Variants in PBRM1 observed in about 807,000 individuals in gnomAD.
The protein encoded by PBRM1 is protein polybromo-1.
In PBRM1, 27 loss-of-function variants were observed where a neutral mutation model predicts 194.5. The ratio of observed to expected loss-of-function variants is 0.14; its 90% confidence interval spans 0.10 to 0.19. PBRM1 has a LOEUF of 0.19. PBRM1 is among the 10% of genes least tolerant of loss of function. The probability of loss-of-function intolerance (pLI) is 1.00; values close to 1 mark genes in which losing one functional copy is unlikely to be tolerated. For synonymous variants in PBRM1, 655 were observed against 693.2 expected, an observed-to-expected ratio of 0.94 and a Z score of 0.87; for missense variants, 1,466 against 2,077.2, an observed-to-expected ratio of 0.71 and a Z score of 5.72.
chr3:52,571,028 T>C lies in PBRM1; in HGVS notation c.3691+5513A>G, dbSNP rs561692723. On this transcript the variant is annotated intron_variant, in intron 22 of 29. Transcript: ENST00000296302. ...ATGAGCTACCACGTTGGCTATCTTT[T>C]AAAGATTTATTCCTGGCTGGGTGCC... Among the ~76,000 whole-genome samples, 11 of 152,102 alleles carry C rather than the reference T, an allele frequency of 7.2e-5. No individual in the cohort carries two copies. In the South Asian group the frequency reaches 2.1e-3, roughly 29 times the overall value.
chr3:52,606,328 T>C (rs1343095163), intron 16 of PBRM1, among the ~76,000 whole-genome samples: 2 of 152,172 alleles, frequency 1.3e-5, no homozygotes, highest in Non-Finnish European at 2.9e-5. Context: ...TAATTTTATG[T>C]TTGTTTTCTG....
At chr3:52,656,147 T>C (rs1320474878) in intron 5 of PBRM1, among the ~76,000 whole-genome samples, 8 of 152,212 alleles carry the variant, frequency 5.3e-5, no homozygotes, top group African/African-American at 1.7e-4. Flanking sequence ...GTCAAATCTA[T>C]ATGTTAATTA....
At chr3:52,596,780 C>T (rs1171637831) in intron 17 of PBRM1, among the ~76,000 whole-genome samples, 2 of 151,616 alleles carry the variant, frequency 1.3e-5, no homozygotes, top group East Asian at 1.9e-4. Flanking sequence ...ATGACTTTTT[C>T]GGAGCTGCCC....
chr3:52,618,735 C>T (rs1387609201), intron 13 of PBRM1, among the ~76,000 whole-genome samples: 4 of 151,606 alleles, frequency 2.6e-5, no homozygotes, highest in African/African-American at 4.8e-5. Flanking sequence ...GCTGGGATTA[C>T]AGGCGCCTGC....
intron 22 of PBRM1, among the ~76,000 whole-genome samples, chr3:52,574,557 C>T (rs2088701607): frequency 6.6e-6 from 1 of 152,056 alleles, no homozygotes; most frequent in South Asian, 2.1e-4. Flanking sequence ...ATGCTTTGGC[C>T]AATAAGGGTT....
At chr3:52,612,662 G>C (rs1284222733) in intron 15 of PBRM1, among the ~76,000 whole-genome samples, 1 of 152,016 alleles carries the variant, frequency 6.6e-6, no homozygotes, top group African/African-American at 2.4e-5. Context: ...CTAGCACTTT[G>C]GGAGGCGGAG....
At chr3:52,679,804 A>C (rs2154068254), upstream of PBRM1, 1 of 1,110,374 alleles carries the variant, frequency 9.0e-7, no homozygotes, top group East Asian at 2.5e-5. Context: ...CCTGCTACCA[A>C]ACTCCTGGCT....
At chr3:52,622,699 A>G (rs1413174800) in intron 13 of PBRM1, among the ~76,000 whole-genome samples, 1 of 152,190 alleles carries the variant, frequency 6.6e-6, no homozygotes, top group Non-Finnish European at 1.5e-5. Flanking sequence ...CTGGCTGATC[A>G]GCAAGTTCTA....
intron 11 of PBRM1, among the ~76,000 whole-genome samples, chr3:52,630,185 C>T (rs577555306): frequency 5.7e-4 from 86 of 151,646 alleles, no homozygotes; most frequent in African/African-American, 2.0e-3. Context: ...TATCAGATTA[C>T]TATTAATCAA....
At chr3:52,582,732 T>TA (rs1048981518) in intron 20 of PBRM1, among the ~76,000 whole-genome samples, 2 of 152,086 alleles carry the variant, frequency 1.3e-5, no homozygotes, top group Non-Finnish European at 1.5e-5. Flanking sequence ...TGTCGCCTCT[T>TA]ACGTAGAATC....
intron 13 of PBRM1, among the ~76,000 whole-genome samples, chr3:52,620,631 G>A (rs2153523000): frequency 6.6e-6 from 1 of 152,324 alleles, no homozygotes; most frequent in African/African-American, 2.4e-5. Flanking sequence ...AGAATGGCAA[G>A]CGGTCCATTC....
Position 52,635,287 on chromosome 3 carries a change from C to T in PBRM1, c.1088-472G>A, listed in dbSNP as rs773355822. Among the ~76,000 whole-genome samples the T allele has an allele frequency of 5.3e-5, 8 of 152,050 alleles. No individual in the cohort carries two copies. In the East Asian group the frequency reaches 1.6e-3, roughly 29 times the overall value. On this transcript the variant is annotated intron_variant, in intron 10 of 29. Coordinates refer to ENST00000296302, the Ensembl canonical transcript of PBRM1. ...TACTTTAAAAAAATAGTCTCTAAGG[C>T]TGGGTGTGATGGCTCACGCCTGTAA...
At chr3:52,659,351 G>A (rs150497414) in intron 4 of PBRM1, among the ~76,000 whole-genome samples, 1 of 152,130 alleles carries the variant, frequency 6.6e-6, no homozygotes, top group Non-Finnish European at 1.5e-5. Flanking sequence ...TTTTTTTCTG[G>A]TTTAAATCAT....
rs186132369 is a variant in PBRM1 at position 52,654,940 on chromosome 3, C to G, written c.646-3130G>C. On this transcript the variant is annotated intron_variant, in intron 5 of 29. Coordinates refer to ENST00000296302, the Ensembl canonical transcript of PBRM1. ...AACAGCTGTGACTACAGGTGCACAC[C>G]ACCATGACTAGCTAATTAAAAAAAT... is the stretch of plus-strand genomic sequence containing the variant. Among the ~76,000 whole-genome samples the G allele has an allele frequency of 7.9e-5, 12 of 152,150 alleles. 1 individual carries two copies. The highest frequency in any genetic ancestry group is 1.7e-4 in the African/African-American group (7 of 41,508).
At chr3:52,612,903 C>T (rs2094718674) in intron 15 of PBRM1, among the ~76,000 whole-genome samples, 1 of 123,282 alleles carries the variant, frequency 8.1e-6, no homozygotes, top group Non-Finnish European at 1.6e-5. Flanking sequence ...GAGAATCCGT[C>T]TCAAAAAAAA....
chr3:52,679,636 C>A, exon 1 of PBRM1: 1 of 1,614,040 alleles, frequency 6.2e-7, no homozygotes, highest in Non-Finnish European at 8.5e-7. Context: ...GGTGTTGACA[C>A]AGAATGGTGC....
At position 52,637,676 on chromosome 3, in the gene PBRM1, C is replaced by G. The variant is rs552100216; in HGVS notation, c.1088-2861G>C. On this transcript the variant is annotated intron_variant, in intron 10 of 29. Coordinates refer to ENST00000296302, the Ensembl canonical transcript of PBRM1. ...GGCGCAGTAGCTCATGCTTGTAATC[C>G]TAGCACTTTGGGAGGCTGAGGCGGG... Among the ~76,000 whole-genome samples the G allele has an allele frequency of 1.7e-4, 25 of 149,752 alleles. No individual in the cohort carries two copies. In the East Asian group the frequency reaches 4.1e-3, roughly 25 times the overall value.
intron 13 of PBRM1, among the ~76,000 whole-genome samples, chr3:52,623,726 T>A (rs912805530): frequency 4.6e-5 from 7 of 152,202 alleles, no homozygotes; most frequent in African/African-American, 1.2e-4. Flanking sequence ...TGTCATTAAC[T>A]TGTTTTTCAG....
chr3:52,662,365 C>T (rs2153932921), intron 3 of PBRM1, 89 bp from the exon 5 acceptor site: 5 of 1,118,602 alleles, frequency 4.5e-6, no homozygotes, highest in Non-Finnish European at 6.3e-6. Context: ...TCAGCAAAGA[C>T]CAAAAATTGT....
Sources: gnomAD v4.1 joint callset for allele counts (sites outside exome capture counted in the v4.1 genomes callset) on GRCh38, gnomAD v4.1.1 for gene constraint, MANE v1.5 for transcripts, NCBI Gene and HGNC (gene_info 2026-07-23, HGNC 2026-07-21) for gene names.